ZNF385B: variants seen among roughly 807,000 people sequenced by gnomAD.
ZNF385B encodes zinc finger protein 385B, also known as zinc finger protein 533.
Under a neutral mutation model 39.2 loss-of-function variants are expected in ZNF385B, and 23 were observed. The observed-to-expected ratio is 0.59, with a 90% CI of 0.42 to 0.83. The LOEUF is 0.83. ZNF385B is among the 40% of genes least tolerant of loss of function. ZNF385B has a pLI of 0.00. For synonymous variants in ZNF385B, 205 were observed against 222.6 expected, an observed-to-expected ratio of 0.92 and a Z score of 0.70; for missense variants, 552 against 598.9, an observed-to-expected ratio of 0.92 and a Z score of 0.82.
chr2:179,707,595 C>A (rs915010166), intron 3 of ZNF385B, among the ~76,000 whole-genome samples: 1 of 152,226 alleles, frequency 6.6e-6, no homozygotes, highest in Non-Finnish European at 1.5e-5. Context: ...AGTTGGCACC[C>A]AACCAATAGT....
intron 3 of ZNF385B, among the ~76,000 whole-genome samples, chr2:179,623,272 T>A (rs1238842715): frequency 7.3e-6 from 1 of 137,504 alleles, no homozygotes; most frequent in African/African-American, 2.6e-5. Context: ...GACATTTGTC[T>A]TTTTTTTTTT....
chr2:179,728,071 T>A (rs1391272868), intron 3 of ZNF385B, among the ~76,000 whole-genome samples: 1 of 152,116 alleles, frequency 6.6e-6, no homozygotes, highest in Non-Finnish European at 1.5e-5. Context: ...AGAGAGCAAC[T>A]GCCTTTTTGT....
chr2:179,588,955 G>A (rs1461923947), intron 3 of ZNF385B, among the ~76,000 whole-genome samples: 1 of 152,174 alleles, frequency 6.6e-6, no homozygotes, highest in East Asian at 1.9e-4. Flanking sequence ...CTACATGTTA[G>A]GATTTCAGAA....
rs1426994310 is a variant in ZNF385B, at chr2:179,550,424, C to A, written c.299-5455G>T. 2.7e-5 allele frequency among the ~76,000 whole-genome samples: 4 copies of A among 149,412 alleles called. No homozygotes were observed. The East Asian group carries it at 7.7e-4, about 29-fold the overall frequency. ...ACAAAGGTTGGAATGCGCAATGATC[C>A]CCCTTACCCAATCAAATCTCTATGC... On this transcript the variant is annotated intron_variant, in intron 3 of 9. Coordinates refer to ENST00000410066, the MANE Select transcript of ZNF385B (RefSeq NM_152520.6).
chr2:179,687,083 T>C (rs1407036270), intron 3 of ZNF385B, among the ~76,000 whole-genome samples: 1 of 151,728 alleles, frequency 6.6e-6, no homozygotes, highest in Non-Finnish European at 1.5e-5. Flanking sequence ...CTGAATGCAG[T>C]ATACTTCCTT....
At chr2:179,789,747 CATACTAAA>C (rs1705213647) in intron 1 of ZNF385B, among the ~76,000 whole-genome samples, 1 of 152,138 alleles carries the variant, frequency 6.6e-6, no homozygotes, top group African/African-American at 2.4e-5. Flanking sequence ...GAGCATAAAA[CATACTAAA>C]ATACTAAACT....
intron 4 of ZNF385B, among the ~76,000 whole-genome samples, chr2:179,543,552 T>C (rs993538908): frequency 6.6e-6 from 1 of 152,192 alleles, no homozygotes; most frequent in Admixed American, 6.5e-5. Context: ...TTCTTTGAAA[T>C]GGCGTAATGT....
chr2:179,566,936 A>T, intron 3 of ZNF385B, among the ~76,000 whole-genome samples: 1 of 128,978 alleles, frequency 7.8e-6, no homozygotes, highest in South Asian at 2.4e-4. Context: ...TTTTTTTGAG[A>T]CGGGGTCTCA....
chr2:179,836,475 A>G (rs1347258043), intron 1 of ZNF385B, among the ~76,000 whole-genome samples: 1 of 151,490 alleles, frequency 6.6e-6, no homozygotes, highest in Non-Finnish European at 1.5e-5. Context: ...CTTGTAAAAA[A>G]CTATTTCAAG....
intron 1 of ZNF385B, among the ~76,000 whole-genome samples, chr2:179,830,223 A>G (rs773947504): frequency 2.6e-5 from 4 of 152,234 alleles, no homozygotes; most frequent in Non-Finnish European, 5.9e-5. Flanking sequence ...AAAACTGACC[A>G]TACTGTATGC....
At chr2:179,642,854 A>G (rs531538992) in intron 3 of ZNF385B, among the ~76,000 whole-genome samples, 1 of 152,312 alleles carries the variant, frequency 6.6e-6, no homozygotes, top group East Asian at 1.9e-4. Flanking sequence ...TCAACCCTTC[A>G]GTAAACCTAT....
At chr2:179,782,994 T>C (rs768156025) in intron 1 of ZNF385B, among the ~76,000 whole-genome samples, 6 of 152,110 alleles carry the variant, frequency 3.9e-5, no homozygotes, top group Non-Finnish European at 8.8e-5. Flanking sequence ...TTAAAATTCA[T>C]ATGGAACCAA....
At chr2:179,596,420 T>C (rs1688003937) in intron 3 of ZNF385B, among the ~76,000 whole-genome samples, 1 of 152,210 alleles carries the variant, frequency 6.6e-6, no homozygotes, top group African/African-American at 2.4e-5. Flanking sequence ...AGCTGGCAGT[T>C]TTCTGCTGAT....
intron 1 of ZNF385B, among the ~76,000 whole-genome samples, chr2:179,836,291 C>T (rs1708241170): frequency 6.6e-6 from 1 of 152,196 alleles, no homozygotes; most frequent in Admixed American, 6.5e-5. Context: ...AAGCCCAATC[C>T]TCAGTTTAAT....
chr2:179,819,292 C>A (rs569014654), intron 1 of ZNF385B, among the ~76,000 whole-genome samples: 2 of 152,190 alleles, frequency 1.3e-5, no homozygotes, highest in South Asian at 4.2e-4. Flanking sequence ...GGTTTTCAAA[C>A]CCCAAGGACA....
chr2:179,719,188 T>C (rs1700523570), intron 3 of ZNF385B, among the ~76,000 whole-genome samples: 1 of 152,062 alleles, frequency 6.6e-6, no homozygotes, highest in African/African-American at 2.4e-5. Flanking sequence ...CACCCCAGGT[T>C]TCAAAGGACA....
At chr2:179,462,985 T>C (rs59677078) in intron 6 of ZNF385B, among the ~76,000 whole-genome samples, 5,042 of 152,212 alleles carry the variant, frequency 0.033, 279 homozygotes, top group African/African-American at 0.12. Context: ...TCTATATTCA[T>C]ATGGATTAGA....
intron 4 of ZNF385B, among the ~76,000 whole-genome samples, chr2:179,540,478 A>AAAC (rs529398502): frequency 4.3e-4 from 65 of 150,622 alleles, no homozygotes; most frequent in African/African-American, 1.2e-3. Flanking sequence ...AACACCAACC[A>AAAC]AACAACAACA....
chr2:179,654,445 C>T (rs1468090186), intron 3 of ZNF385B, among the ~76,000 whole-genome samples: 1 of 152,040 alleles, frequency 6.6e-6, no homozygotes, highest in Admixed American at 6.6e-5. Context: ...TCTTGTCCAG[C>T]CTACTACGTA....
Sources: allele counts gnomAD v4.1 joint callset (sites outside exome capture counted in the v4.1 genomes callset), GRCh38; gene constraint gnomAD v4.1.1; transcripts MANE v1.5; gene names NCBI Gene and HGNC (gene_info 2026-07-23, HGNC 2026-07-21).